Variants in DLGAP2 observed in about 807,000 individuals in gnomAD.
DLGAP2 encodes disks large-associated protein 2.
DLGAP2 carries 26 observed loss-of-function variants against 100.3 expected under a neutral mutation model. The ratio of observed to expected loss-of-function variants is 0.26; its 90% CI spans 0.19 to 0.36. The LOEUF (loss-of-function observed/expected upper bound fraction) is 0.36. DLGAP2 is among the 10% of genes least tolerant of loss of function. The probability of loss-of-function intolerance (pLI) is 1.00; values close to 1 mark genes in which losing one functional copy is unlikely to be tolerated. For synonymous variants in DLGAP2, 886 were observed against 630.1 expected (o/e 1.41, Z -6.08); for missense variants, 1,858 against 1,453.2 (o/e 1.28, Z -4.53).
At chr8:1,251,131 C>G (rs1799030396) in intron 2 of DLGAP2, among the ~76,000 whole-genome samples, 2 of 152,162 alleles carry the variant, frequency 1.3e-5, no homozygotes, top group African/African-American at 4.8e-5. Flanking sequence ...CTTCCCTAAC[C>G]CGTGCAACAA....
intron 5 of DLGAP2, among the ~76,000 whole-genome samples, chr8:1,563,280 G>A (rs1164069497): frequency 6.9e-5 from 3 of 43,784 alleles, no homozygotes; most frequent in African/African-American, 1.0e-4. Flanking sequence ...TCTGCGCCTC[G>A]TTGCTGGGGG....
intron 2 of DLGAP2, among the ~76,000 whole-genome samples, chr8:1,131,176 C>G (rs567877357): frequency 6.6e-6 from 1 of 152,286 alleles, no homozygotes; most frequent in South Asian, 2.1e-4. Flanking sequence ...CTTTCAGCTG[C>G]TTTTCCCAGG....
intron 3 of DLGAP2, among the ~76,000 whole-genome samples, chr8:1,455,038 G>A (rs1024268796): frequency 1.3e-5 from 2 of 152,292 alleles, no homozygotes; most frequent in African/African-American, 4.8e-5. Flanking sequence ...GTCTGGGGAG[G>A]GGGGGATACC....
chr8:1,325,002 G>C (rs1421132782), intron 3 of DLGAP2, among the ~76,000 whole-genome samples: 1 of 152,158 alleles, frequency 6.6e-6, no homozygotes, highest in Non-Finnish European at 1.5e-5. Context: ...AACCACCCCT[G>C]TACTTCCCCA....
chr8:1,503,080 G>C (rs562132974), intron 4 of DLGAP2, among the ~76,000 whole-genome samples: 71 of 152,280 alleles, frequency 4.7e-4, no homozygotes, highest in African/African-American at 1.5e-3. Flanking sequence ...GGATGAGGCT[G>C]GGGGGCGAAG....
intron 2 of DLGAP2, among the ~76,000 whole-genome samples, chr8:988,312 T>C (rs1800546034): frequency 1.3e-5 from 2 of 152,218 alleles, no homozygotes. Context: ...AGGGTCACTG[T>C]GGAATCTAGA....
chr8:1,369,223 G>A (rs1266310551), intron 3 of DLGAP2: 1 of 152,304 alleles, frequency 6.6e-6, no homozygotes, highest in Admixed American at 6.5e-5. Context: ...CACAGATAGT[G>A]TGGTTTCAAC....
At position 1,234,129 on chromosome 8, in the gene DLGAP2, A is replaced by G. The variant is rs192875841; in HGVS notation, c.74-24722A>G. ...TAGCCTGTTGCTATAAAGAGGAATTAAGTTTCAAAGGCTTCTCCTGTCCTC... is the reference window on the plus strand; with the variant it reads ...TAGCCTGTTGCTATAAAGAGGAATTGAGTTTCAAAGGCTTCTCCTGTCCTC... On this transcript the variant is annotated intron_variant, in intron 2 of 14. Coordinates refer to ENST00000637795, the MANE Select transcript of DLGAP2 (RefSeq NM_001346810.2). Among the ~76,000 whole-genome samples, 4 of 152,326 alleles carry G rather than the reference A, an allele frequency of 2.6e-5. No homozygotes were observed. The East Asian group carries it at 7.7e-4, about 29-fold the overall frequency.
At chr8:1,202,559 G>C (rs545802772) in intron 2 of DLGAP2, among the ~76,000 whole-genome samples, 1 of 152,174 alleles carries the variant, frequency 6.6e-6, no homozygotes, top group East Asian at 1.9e-4. Flanking sequence ...TAATGCAGAG[G>C]AATTCCCCAG....
chr8:756,445 T>C (rs746711220), intron 1 of DLGAP2, among the ~76,000 whole-genome samples: 5 of 152,188 alleles, frequency 3.3e-5, no homozygotes, highest in East Asian at 1.9e-4. Flanking sequence ...CAATCTTATA[T>C]ATTAGAGAAG....
intron 3 of DLGAP2, among the ~76,000 whole-genome samples, chr8:1,420,130 C>G (rs1051816418): frequency 4.6e-5 from 7 of 152,094 alleles, no homozygotes; most frequent in African/African-American, 1.7e-4. Context: ...TCGGGAGGGG[C>G]TGGAAGTTCC....
intron 2 of DLGAP2, among the ~76,000 whole-genome samples, chr8:1,185,192 G>A (rs185233851): frequency 6.6e-6 from 1 of 152,234 alleles, no homozygotes; most frequent in Admixed American, 6.5e-5. Flanking sequence ...TATTCCATTT[G>A]TTCCTCTCCA....
intron 2 of DLGAP2, among the ~76,000 whole-genome samples, chr8:1,113,154 C>T (rs1445920846): frequency 1.3e-5 from 2 of 152,056 alleles, no homozygotes; most frequent in Non-Finnish European, 2.9e-5. Context: ...CAGCTTTGTT[C>T]TTTTTGCTTA....
At chr8:1,615,097 G>A (rs755116889) in intron 6 of DLGAP2, among the ~76,000 whole-genome samples, 4 of 152,216 alleles carry the variant, frequency 2.6e-5, no homozygotes, top group Admixed American at 2.6e-4. Flanking sequence ...AGAAGAGGTG[G>A]GGGTCAGAAC....
chr8:1,277,280 T>C (rs1799717419), intron 3 of DLGAP2, among the ~76,000 whole-genome samples: 1 of 152,218 alleles, frequency 6.6e-6, no homozygotes, highest in African/African-American at 2.4e-5. Flanking sequence ...TCTGTGCCTA[T>C]GTAGCCCCCC....
chr8:1,186,512 C>T (rs761737399), intron 2 of DLGAP2, among the ~76,000 whole-genome samples: 11 of 152,188 alleles, frequency 7.2e-5, no homozygotes, highest in Non-Finnish European at 1.5e-4. Flanking sequence ...ACTGCAGTGA[C>T]TTCCAGGCGC....
At chr8:1,579,310 TATAC>T (rs1803128361) in intron 6 of DLGAP2, among the ~76,000 whole-genome samples, 1 of 152,194 alleles carries the variant, frequency 6.6e-6, no homozygotes, top group African/African-American at 2.4e-5. Flanking sequence ...AAATCGTATA[TATAC>T]ACACACATAT....
chr8:1,110,459 G>A (rs1403927315), intron 2 of DLGAP2, among the ~76,000 whole-genome samples: 1 of 150,928 alleles, frequency 6.6e-6, no homozygotes, highest in African/African-American at 2.4e-5. Flanking sequence ...GGTCTGTGGG[G>A]TGTGCATGGG....
At chr8:975,758 A>AC (rs1439867299) in intron 2 of DLGAP2, among the ~76,000 whole-genome samples, 1 of 152,216 alleles carries the variant, frequency 6.6e-6, no homozygotes, top group Non-Finnish European at 1.5e-5. Flanking sequence ...TTTACAAAAA[A>AC]CCCTGTAGCT....
Sources: gnomAD v4.1 joint callset for allele counts (sites outside exome capture counted in the v4.1 genomes callset) on GRCh38, gnomAD v4.1.1 for gene constraint, MANE v1.5 for transcripts, NCBI Gene and HGNC (gene_info 2026-07-23, HGNC 2026-07-21) for gene names.